DAAM2: variants seen among roughly 807,000 people sequenced by gnomAD.
DAAM2 encodes the protein disheveled-associated activator of morphogenesis 2.
In DAAM2, 39 loss-of-function variants were observed where a neutral mutation model predicts 120.7. The ratio of observed to expected loss-of-function variants is 0.32; its 90% confidence interval spans 0.25 to 0.42. DAAM2 has a LOEUF of 0.42. Among genes scored for constraint, DAAM2 ranks in the 10% least tolerant of loss-of-function variants. The pLI, the probability that DAAM2 is intolerant of heterozygous loss-of-function variation, is 1.00. For synonymous variants in DAAM2, 488 were observed against 524.9 expected, an observed-to-expected ratio of 0.93 and a Z score of 0.96; for missense variants, 1,283 against 1,401.7, an observed-to-expected ratio of 0.92 and a Z score of 1.35.
chr6:39,856,283 C>G lies in DAAM2; in HGVS notation c.-20C>G. The G allele has an allele frequency of 6.8e-7, 1 of 1,474,260 alleles. No homozygotes were observed. The highest frequency in any genetic ancestry group is 2.7e-5 in the East Asian group (1 of 37,100). The allele number at this position is 1,474,260 out of a possible 1,614,324, so 91.3% of individuals were successfully genotyped here. A position where few individuals can be genotyped will look rare whatever the true frequency, so the allele number is the denominator to read the frequency against. On this transcript the variant is annotated 5_prime_UTR_variant, in exon 2 of 25. Transcript: ENST00000274867. ...GACCTAGGGCATCTGTCTGCTGACG[C>G]CCCCTGGCCTGCAGTGACCATGGCC...
intron 1 of DAAM2, among the ~76,000 whole-genome samples, chr6:39,815,684 A>ACACACACC (rs1338441212): frequency 1.4e-5 from 2 of 143,464 alleles, no homozygotes; most frequent in East Asian, 4.2e-4. Flanking sequence ...ACACACACAC[A>ACACACACC]CCGTTTACAC....
At chr6:39,828,271 G>T (rs577415018) in intron 1 of DAAM2, among the ~76,000 whole-genome samples, 8 of 152,304 alleles carry the variant, frequency 5.3e-5, no homozygotes, top group African/African-American at 1.2e-4. Flanking sequence ...CAAGATCAAG[G>T]TGCCAGCAGA....
rs560753143 is a variant in DAAM2 at position 39,903,495 on chromosome 6, A to G, written c.*1458A>G. 1 of 152,296 alleles carries G rather than the reference A, an allele frequency of 6.6e-6. No homozygotes were observed. Among genetic ancestry groups the G allele is most frequent in the South Asian group, 2.1e-4 (1 of 4,826 alleles). 9.4% of individuals were successfully genotyped at this position (152,296 alleles called of 1,614,324 possible). On this transcript the variant is annotated 3_prime_UTR_variant, in exon 25 of 25. Coordinates refer to ENST00000274867, the MANE Select transcript of DAAM2 (RefSeq NM_001201427.2). The stretch of plus-strand genomic sequence containing the variant: ...GCTGTATCTAGACAAAATTTTTCTA[A>G]AACTCCATCAAGGCTCTTATTCAAT...
intron 9 of DAAM2, 62 bp from the exon 10 acceptor site, chr6:39,873,176 C>G (rs1485066618): frequency 2.4e-5 from 26 of 1,079,044 alleles, no homozygotes; most frequent in Non-Finnish European, 3.5e-5. Flanking sequence ...GCAGGGTCTT[C>G]TCTCTCCTGC....
intron 15 of DAAM2, 36 bp downstream of exon 15, chr6:39,884,105 C>G (rs762623817): frequency 1.3e-5 from 15 of 1,136,730 alleles, no homozygotes; most frequent in Non-Finnish European, 2.0e-5. Flanking sequence ...TTGGACCATA[C>G]CCTTGAATCC....
chr6:39,831,090 A>C (rs1226624785), intron 1 of DAAM2, among the ~76,000 whole-genome samples: 3 of 152,210 alleles, frequency 2.0e-5, no homozygotes, highest in African/African-American at 7.2e-5. Context: ...CACAGTTAGT[A>C]AGTTTCATAT....
intron 1 of DAAM2, among the ~76,000 whole-genome samples, chr6:39,845,755 G>A (rs550932112): frequency 4.3e-4 from 66 of 151,812 alleles, no homozygotes; most frequent in Non-Finnish European, 6.6e-4. Context: ...CATCCCTCCC[G>A]ATGCTTTGTC....
chr6:39,883,763 T>G, intron 14 of DAAM2, 199 bp from the exon 15 acceptor site: 1 of 539,028 alleles, frequency 1.9e-6, no homozygotes, highest in Non-Finnish European at 3.3e-6. Flanking sequence ...AAAAGGGGGT[T>G]GTCTCTGGCC....
At chr6:39,900,306 C>A in intron 23 of DAAM2, 98 bp downstream of exon 23, 1 of 1,376,344 alleles carries the variant, frequency 7.3e-7, no homozygotes, top group African/African-American at 1.5e-5. Flanking sequence ...GGGACAAACC[C>A]AGAGTTACAG....
chr6:39,834,316 C>CT (rs1763024791), intron 1 of DAAM2, among the ~76,000 whole-genome samples: 1 of 152,170 alleles, frequency 6.6e-6, no homozygotes, highest in Admixed American at 6.5e-5. Flanking sequence ...CTACATCCTT[C>CT]TTTTTTCACT....
chr6:39,809,363 A>C (rs190165222), intron 1 of DAAM2, among the ~76,000 whole-genome samples: 2 of 152,328 alleles, frequency 1.3e-5, no homozygotes, highest in African/African-American at 4.8e-5. Flanking sequence ...CACAGGCCTC[A>C]GTTCTTTGGC....
At chr6:39,859,171 G>A (rs997136658) in intron 2 of DAAM2, among the ~76,000 whole-genome samples, 2 of 152,278 alleles carry the variant, frequency 1.3e-5, no homozygotes, top group East Asian at 1.9e-4. Flanking sequence ...GAAGACTTGC[G>A]GGAGGAGGCT....
intron 1 of DAAM2, among the ~76,000 whole-genome samples, chr6:39,804,268 C>T (rs903491036): frequency 2.6e-5 from 4 of 152,176 alleles, no homozygotes; most frequent in Non-Finnish European, 5.9e-5. Flanking sequence ...CTTCTGTTAA[C>T]AGATTTGATA....
At position 39,802,235 on chromosome 6, in the gene DAAM2, A is replaced by G. The variant is rs754421002; in HGVS notation, c.-57+9770A>G. ...AAATGGAAGCTGAGGCTGACAGCTG[A>G]TAAACAGACCAGGTTTCTCAACTGT... On this transcript the variant is annotated intron_variant, in intron 1 of 24. Transcript: ENST00000274867. Among the ~76,000 whole-genome samples the G allele has an allele frequency of 2.2e-4, 34 of 152,240 alleles. 1 individual carries two copies. Among genetic ancestry groups the G allele is most frequent in the Non-Finnish European group, 3.8e-4 (26 of 68,046 alleles).
In DAAM2 at chr6:39,904,113, C is replaced by A; in HGVS notation, c.*2076C>A. 2.3e-6 allele frequency: 1 copy of A among 442,808 alleles called. No individual in the cohort carries two copies. Among genetic ancestry groups the A allele is most frequent in the Non-Finnish European group, 4.5e-6 (1 of 220,504 alleles). The allele number at this position is 442,808 out of a possible 1,614,324, so 27.4% of individuals were successfully genotyped here. On this transcript the variant is annotated 3_prime_UTR_variant, in exon 25 of 25. Coordinates refer to ENST00000274867, the MANE Select transcript of DAAM2 (RefSeq NM_001201427.2). ...GGGCTCCACAAGCGTGTCTGGCATT[C>A]CCACCCACCATGGAAGACTGGATAC...
chr6:39,806,871 T>C (rs1582597770), intron 1 of DAAM2, among the ~76,000 whole-genome samples: 1 of 147,562 alleles, frequency 6.8e-6, no homozygotes, highest in Admixed American at 6.7e-5. Context: ...GAAAAAATCA[T>C]GCTCATCATA....
chr6:39,847,659 C>T (rs1166642396), intron 1 of DAAM2, among the ~76,000 whole-genome samples: 2 of 152,052 alleles, frequency 1.3e-5, no homozygotes, highest in Non-Finnish European at 2.9e-5. Context: ...CGTGCCGGCA[C>T]CCCTCCGTGG....
At chr6:39,805,618 G>A (rs1312111133) in intron 1 of DAAM2, among the ~76,000 whole-genome samples, 2 of 150,882 alleles carry the variant, frequency 1.3e-5, no homozygotes, top group African/African-American at 2.4e-5. Flanking sequence ...GCAGTGACAC[G>A]ATCTCGGGTC....
intron 1 of DAAM2, chr6:39,822,747 C>T (rs891314800): frequency 4.6e-5 from 7 of 152,182 alleles, no homozygotes; most frequent in African/African-American, 1.7e-4. Flanking sequence ...AGTCGTCTAA[C>T]CATTTATTCA....
Sources: allele counts gnomAD v4.1 joint callset (sites outside exome capture counted in the v4.1 genomes callset), GRCh38; gene constraint gnomAD v4.1.1; transcripts MANE v1.5; gene names NCBI Gene and HGNC (gene_info 2026-07-23, HGNC 2026-07-21).